COL11A1: variants seen among roughly 807,000 people sequenced by gnomAD.
COL11A1 encodes collagen type XI alpha 1 chain.
A neutral mutation model predicts 265.2 loss-of-function variants in COL11A1; 74 were observed. The ratio of observed to expected loss-of-function variants is 0.28; its 90% CI spans 0.23 to 0.34. The LOEUF is 0.34. Among genes scored for constraint, COL11A1 ranks in the 10% least tolerant of loss-of-function variants. COL11A1 has a pLI of 1.00. For missense variants in COL11A1, 2,165 were observed against 2,263.6 expected (o/e 0.96, Z 0.88); for synonymous variants, 816 against 727.6 (o/e 1.12, Z -1.96).
At chr1:102,993,880 C>T (rs1338598136) in intron 28 of COL11A1, among the ~76,000 whole-genome samples, 1 of 152,008 alleles carries the variant, frequency 6.6e-6, no homozygotes, top group Non-Finnish European at 1.5e-5. Flanking sequence ...TTTCTAGTAT[C>T]TTTGATCTAT....
intron 2 of COL11A1, among the ~76,000 whole-genome samples, chr1:103,082,396 T>C (rs1672484425): frequency 6.6e-6 from 1 of 152,012 alleles, no homozygotes; most frequent in Admixed American, 6.6e-5. Context: ...TTAAATTAAC[T>C]TAGAAAGTCA....
chr1:102,887,724 C>T (rs1651179342), intron 62 of COL11A1, among the ~76,000 whole-genome samples: 1 of 152,092 alleles, frequency 6.6e-6, no homozygotes, highest in Non-Finnish European at 1.5e-5. Flanking sequence ...GAAATACAGT[C>T]ACTGAAAATA....
intron 1 of COL11A1, chr1:103,100,305 C>G (rs766508632): frequency 1.3e-5 from 2 of 151,908 alleles, no homozygotes; most frequent in Non-Finnish European, 2.9e-5. Context: ...AAGCAATGAT[C>G]TATAAGAGTT....
chr1:103,053,220 A>G lies in COL11A1; in HGVS notation c.651+21398T>C, dbSNP rs571677390. 2.4e-3 allele frequency among the ~76,000 whole-genome samples: 365 copies of G among 152,316 alleles called. 3 individuals are homozygous for G. Among genetic ancestry groups the G allele is most frequent in the African/African-American group, 8.6e-3 (357 of 41,598 alleles). On this transcript the variant is annotated intron_variant, in intron 4 of 66. Transcript: ENST00000370096. The stretch of plus-strand genomic sequence containing the variant: ...AAACTGTGGTACTTTGGATCTCTAT[A>G]GAGCTCAGAAATCTAAATTTGCCTT...
chr1:102,887,265 G>A (rs888630142), intron 62 of COL11A1, among the ~76,000 whole-genome samples: 1 of 152,068 alleles, frequency 6.6e-6, no homozygotes, highest in African/African-American at 2.4e-5. Context: ...TGAGGTAGGT[G>A]AATAAGTTAG....
chr1:102,930,029 A>G (rs1285777715), intron 46 of COL11A1, among the ~76,000 whole-genome samples: 7 of 152,160 alleles, frequency 4.6e-5, no homozygotes, highest in East Asian at 1.9e-4. Context: ...CAATCATGTC[A>G]TCTGCAAACA....
intron 56 of COL11A1, 93 bp downstream of exon 56, chr1:102,898,573 T>A (rs1011488156): frequency 1.6e-5 from 15 of 917,534 alleles, no homozygotes; most frequent in Middle Eastern, 3.3e-4. Context: ...TTATAACTTA[T>A]GAAATAATGC....
chr1:102,886,661 A>G (rs941593392), intron 63 of COL11A1, 146 bp downstream of exon 63: 8 of 1,176,818 alleles, frequency 6.8e-6, no homozygotes, highest in Admixed American at 1.9e-5. Context: ...AGTATAAATG[A>G]TTTTTTCTGT....
chr1:102,973,833 A>C (rs927660028), intron 36 of COL11A1, among the ~76,000 whole-genome samples: 1 of 152,358 alleles, frequency 6.6e-6, no homozygotes, highest in East Asian at 1.9e-4. Flanking sequence ...TCTAAAAATT[A>C]TTGTAAAAAG....
At chr1:103,091,871 A>AACCTGGAGTTT (rs1673352157) in intron 1 of COL11A1, among the ~76,000 whole-genome samples, 2 of 152,090 alleles carry the variant, frequency 1.3e-5, no homozygotes, top group African/African-American at 4.8e-5. Context: ...ATATATCAGT[A>AACCTGGAGTTT]ACCTGGAGTT....
chr1:102,903,246 G>A (rs1267156972), intron 54 of COL11A1, among the ~76,000 whole-genome samples: 1 of 152,116 alleles, frequency 6.6e-6, no homozygotes, highest in South Asian at 2.1e-4. Flanking sequence ...CATGTACTAT[G>A]AATGATAATG....
At chr1:103,022,514 C>T (rs1667176104) in intron 8 of COL11A1, among the ~76,000 whole-genome samples, 1 of 152,106 alleles carries the variant, frequency 6.6e-6, no homozygotes, top group South Asian at 2.1e-4. Flanking sequence ...CAATTCTATT[C>T]AAGATTTTAC....
chr1:103,063,535 C>T (rs1276039235), intron 4 of COL11A1, among the ~76,000 whole-genome samples: 1 of 152,046 alleles, frequency 6.6e-6, no homozygotes, highest in African/African-American at 2.4e-5. Flanking sequence ...TATCTAAATA[C>T]AAACCTTAAA....
intron 4 of COL11A1, among the ~76,000 whole-genome samples, chr1:103,061,785 C>T (rs982178591): frequency 2.0e-5 from 3 of 151,584 alleles, no homozygotes; most frequent in Non-Finnish European, 4.4e-5. Flanking sequence ...TCCTAAGAAT[C>T]TAAACAAAAA....
intron 46 of COL11A1, among the ~76,000 whole-genome samples, chr1:102,932,460 C>A (rs533120975): frequency 5.9e-5 from 9 of 152,242 alleles, no homozygotes; most frequent in African/African-American, 1.9e-4. Context: ...CCGAGAGATC[C>A]GCTGTTAGTC....
At position 103,108,144 on chromosome 1, in the gene COL11A1, C is replaced by A. The variant is rs767496065; in HGVS notation, c.35G>T (p.Arg12Leu). The change falls in exon 1 of 67, where the codon CGG becomes CTG. Residue 12 changes from arginine to leucine, a missense_variant. Coordinates refer to ENST00000370096, the MANE Select transcript of COL11A1 (RefSeq NM_001854.4). The stretch of plus-strand genomic sequence containing the variant: ...TGTTACGGTGAAATCCCAGAGCCAC[C>A]GTTTCGTTTTCCACCTAGAGGACCA... Reference protein sequence around the residue: ...EPWSSRWKTKRWLWDFTVTTL... With the variant: ...EPWSSRWKTKLWLWDFTVTTL... 1.9e-6 allele frequency: 3 copies of A among 1,613,808 alleles called. No individual in the cohort carries two copies. The highest frequency in any genetic ancestry group is 1.1e-5 in the South Asian group (1 of 91,062).
chr1:103,044,576 A>G (rs1669099084), intron 4 of COL11A1, among the ~76,000 whole-genome samples: 1 of 152,170 alleles, frequency 6.6e-6, no homozygotes. Flanking sequence ...TTACTAAAGC[A>G]TAACTACCAA....
In COL11A1 at chr1:102,961,924, GA is replaced by G. The variant is rs1239124642; in HGVS notation, c.3115-6del. 1 of 1,611,420 alleles carries G rather than the reference GA, an allele frequency of 6.2e-7. No homozygotes were observed. The highest frequency in any genetic ancestry group is 8.5e-7 in the Non-Finnish European group (1 of 1,179,018). ...TCCTTTCAGTCCAGGTGCACCCTGGGAAAAGTGAAAAAAATAAAGAAAATGA... is the reference window on the plus strand; with the variant it reads ...TCCTTTCAGTCCAGGTGCACCCTGGGAAAGTGAAAAAAATAAAGAAAATGA... On this transcript the variant is annotated splice_region_variant and splice_polypyrimidine_tract_variant and intron_variant, in intron 40 of 66. Coordinates refer to ENST00000370096, the MANE Select transcript of COL11A1 (RefSeq NM_001854.4).
At chr1:103,022,002 A>G (rs1265681333) in intron 8 of COL11A1, among the ~76,000 whole-genome samples, 1 of 126,900 alleles carries the variant, frequency 7.9e-6, no homozygotes, top group Non-Finnish European at 1.6e-5. Flanking sequence ...GCCCGCCACC[A>G]CACCTAGCTA....
Sources: gnomAD v4.1 joint callset for allele counts (sites outside exome capture counted in the v4.1 genomes callset) on GRCh38, gnomAD v4.1.1 for gene constraint, MANE v1.5 for transcripts, NCBI Gene and HGNC (gene_info 2026-07-23, HGNC 2026-07-21) for gene names.